CCDC18: variants seen among roughly 807,000 people sequenced by gnomAD.
The protein encoded by CCDC18 is coiled-coil domain-containing protein 18.
CCDC18 carries 157 observed loss-of-function variants against 196.0 expected under a neutral mutation model. That is an observed-to-expected ratio of 0.80 (90% CI 0.70 to 0.91). The LOEUF is 0.91. CCDC18 is among the 40% of genes least tolerant of loss of function. The pLI is 0.00. For synonymous variants in CCDC18, 482 were observed against 529.2 expected (o/e 0.91, Z 1.22); for missense variants, 1,465 against 1,611.6 (o/e 0.91, Z 1.56).
Position 93,184,011 on chromosome 1 carries a change from T to C in CCDC18, c.168T>C (p.Pro56=). The part of the protein sequence containing the change: ...VSPSENSDYA[P]NPSRSEKLIL... ...CAAGTGAAAATTCTGATTATGCCCC[T>C]AATCCTTCAAGGTCTGAAAAGCTAA... The change falls in exon 3 of 29, where the codon CCT becomes CCC. Residue 56 remains proline, a synonymous_variant. Transcript: ENST00000690025. 1 of 1,565,006 alleles carries C rather than the reference T, an allele frequency of 6.4e-7. No homozygotes were observed. Among genetic ancestry groups the C allele is most frequent in the Non-Finnish European group, 8.7e-7 (1 of 1,150,640 alleles).
chr1:93,204,035 G>C (rs1021598234), intron 7 of CCDC18, among the ~76,000 whole-genome samples: 8 of 152,100 alleles, frequency 5.3e-5, no homozygotes, highest in African/African-American at 1.7e-4. Context: ...GAGGAAATAA[G>C]TGTGTGTGGT....
intron 21 of CCDC18, among the ~76,000 whole-genome samples, chr1:93,244,910 T>G (rs35687145): frequency 0.17 from 25,671 of 152,010 alleles, 2,339 homozygotes; most frequent in African/African-American, 0.21. Context: ...GTCAGCTTCT[T>G]CTTGTCCTTC....
chr1:93,234,806 C>A (rs797671), intron 18 of CCDC18, among the ~76,000 whole-genome samples: 71,589 of 149,130 alleles, frequency 0.48, 20,092 homozygotes, highest in African/African-American at 0.8. Flanking sequence ...GTTTTGAGAC[C>A]GGGTCTTACT....
intron 17 of CCDC18, among the ~76,000 whole-genome samples, chr1:93,231,414 CT>C (rs759640461): frequency 6.6e-6 from 1 of 151,980 alleles, no homozygotes; most frequent in East Asian, 1.9e-4. Flanking sequence ...GATTTTTTAA[CT>C]TTATAAATTT....
rs1665162952 is a variant in CCDC18 at position 93,270,685 on chromosome 1, A to G, written c.4224A>G (p.Thr1408=). The part of the protein sequence containing the change: ...YTQPDSFKPL[T]YNLEADSSEN... The stretch of plus-strand genomic sequence containing the variant: ...AGCCAGACTCATTTAAACCTCTCAC[A>G]TATAACCTAGAAGCTGATAGTTCTG... The change falls in exon 28 of 29, where the codon ACA becomes ACG. Residue 1408 remains threonine (T), a synonymous_variant. Transcript: ENST00000690025. 3 of 1,550,382 alleles carry G rather than the reference A, an allele frequency of 1.9e-6. No individual in the cohort carries two copies. Among genetic ancestry groups the G allele is most frequent in the South Asian group, 1.2e-5 (1 of 84,062 alleles).
chr1:93,217,901 G>GA, intron 14 of CCDC18, 32 bp downstream of exon 14: 1 of 1,548,644 alleles, frequency 6.5e-7, no homozygotes, highest in African/African-American at 1.4e-5. Flanking sequence ...TATGAGTGCT[G>GA]AAAAGAAACT....
intron 8 of CCDC18, 148 bp from the exon 9 acceptor site, chr1:93,206,959 G>A (rs1399055451): frequency 2.0e-6 from 1 of 494,220 alleles, no homozygotes; most frequent in East Asian, 3.4e-5. Context: ...GTGAGTGCCT[G>A]GCATGCAGAA....
At position 93,180,760 on chromosome 1, in the gene CCDC18, C is replaced by T. The variant is rs1390219750; in HGVS notation, c.-95C>T. ...TGTGCTGCCGGGGTTCGCTGGTTCT[C>T]CGAGTTGTGTCCGAGGCTTCCACGC... On this transcript the variant is annotated 5_prime_UTR_variant, in exon 1 of 29. Coordinates refer to ENST00000690025, the MANE Select transcript of CCDC18 (RefSeq NM_001378204.1). 7.3e-7 allele frequency: 1 copy of T among 1,367,490 alleles called. No individual in the cohort carries two copies. Among genetic ancestry groups the T allele is most frequent in the East Asian group, 4.6e-5 (1 of 21,942 alleles). 84.7% of individuals were successfully genotyped at this position (1,367,490 alleles called of 1,614,324 possible). A position where few individuals can be genotyped will look rare whatever the true frequency, so the allele number is the denominator to read the frequency against.
chr1:93,204,809 A>C (rs1050460395), intron 7 of CCDC18, among the ~76,000 whole-genome samples: 1 of 152,018 alleles, frequency 6.6e-6, no homozygotes, highest in Admixed American at 6.6e-5. Context: ...TTAAGTGTGA[A>C]TTAGTTAATC....
intron 18 of CCDC18, among the ~76,000 whole-genome samples, chr1:93,233,170 A>G (rs1348785612): frequency 1.3e-5 from 2 of 152,298 alleles, no homozygotes; most frequent in East Asian, 1.9e-4. Context: ...CTGAATACCT[A>G]TAATTTTTCC....
At chr1:93,271,874 T>G (rs1409020391) in intron 28 of CCDC18, among the ~76,000 whole-genome samples, 1 of 152,196 alleles carries the variant, frequency 6.6e-6, no homozygotes, top group Non-Finnish European at 1.5e-5. Flanking sequence ...CTTTTGATAT[T>G]TTCTCTTCTC....
chr1:93,193,497 G>T, intron 5 of CCDC18, 119 bp from the exon 6 acceptor site: 1 of 584,846 alleles, frequency 1.7e-6, no homozygotes, highest in South Asian at 4.4e-5. Flanking sequence ...ATCTCTTTTT[G>T]TATATTGTTT....
intron 16 of CCDC18, 77 bp downstream of exon 16, chr1:93,222,013 A>G: frequency 1.0e-6 from 1 of 984,508 alleles, no homozygotes; most frequent in Admixed American, 2.8e-5. Flanking sequence ...TCATTTGCCT[A>G]GGCTGGAGTG....
chr1:93,224,612 C>G (rs1658001793), intron 16 of CCDC18, among the ~76,000 whole-genome samples: 1 of 152,134 alleles, frequency 6.6e-6, no homozygotes, highest in Non-Finnish European at 1.5e-5. Flanking sequence ...GATTATATAC[C>G]TTATTTAATT....
intron 9 of CCDC18, among the ~76,000 whole-genome samples, chr1:93,207,964 A>G (rs916392010): frequency 1.3e-5 from 2 of 151,352 alleles, no homozygotes; most frequent in African/African-American, 4.8e-5. Flanking sequence ...ATTTCTTTTT[A>G]TTGCTAAATA....
intron 27 of CCDC18, among the ~76,000 whole-genome samples, chr1:93,267,121 G>C (rs995549482): frequency 1.3e-5 from 2 of 152,156 alleles, no homozygotes; most frequent in Non-Finnish European, 2.9e-5. Context: ...TCATCCCTGG[G>C]ATGCATGGCT....
intron 14 of CCDC18, among the ~76,000 whole-genome samples, chr1:93,220,920 G>A (rs1291732548): frequency 2.0e-5 from 3 of 152,096 alleles, no homozygotes; most frequent in Non-Finnish European, 4.4e-5. Context: ...TGAGGATAAT[G>A]GCTTCCAACT....
At chr1:93,222,259 T>G (rs1657548428) in intron 16 of CCDC18, among the ~76,000 whole-genome samples, 1 of 152,168 alleles carries the variant, frequency 6.6e-6, no homozygotes, top group Non-Finnish European at 1.5e-5. Flanking sequence ...CTTAGTTCCT[T>G]TAAATGTATT....
intron 28 of CCDC18, chr1:93,271,665 T>C (rs1205583287): frequency 4.6e-6 from 2 of 433,060 alleles, no homozygotes; most frequent in African/African-American, 2.2e-5. Flanking sequence ...AGACCCCATC[T>C]CAAAAAAAAT....
Sources: allele counts gnomAD v4.1 joint callset (sites outside exome capture counted in the v4.1 genomes callset), GRCh38; gene constraint gnomAD v4.1.1; transcripts MANE v1.5; gene names NCBI Gene and HGNC (gene_info 2026-07-23, HGNC 2026-07-21).